The following TXNRD1 variants were observed in gnomAD, a reference collection of about 807,000 sequenced individuals.
The protein encoded by TXNRD1 is thioredoxin reductase 1, cytoplasmic.
Under a neutral mutation model 80.3 loss-of-function variants are expected in TXNRD1, and 57 were observed. The ratio of observed to expected loss-of-function variants is 0.71; its 90% CI spans 0.57 to 0.89. The LOEUF is 0.89. TXNRD1 is among the 40% of genes least tolerant of loss of function. The probability of loss-of-function intolerance (pLI) is 0.00; values close to 1 mark genes in which losing one functional copy is unlikely to be tolerated. For missense variants in TXNRD1, 730 were observed against 803.0 expected (o/e 0.91, Z 1.10); for synonymous variants, 291 against 285.2 (o/e 1.02, Z -0.20).
rs2036061256 is a variant in TXNRD1, at chr12:104,334,379, T to G, written c.1746+47T>G. 5 of 1,238,216 alleles carry G rather than the reference T, an allele frequency of 4.0e-6. No individual in the cohort carries two copies. The South Asian group carries it at 8.5e-5, about 21-fold the overall frequency. 76.7% of individuals were successfully genotyped at this position (1,238,216 alleles called of 1,614,324 possible). On this transcript the variant is annotated intron_variant, in intron 15 of 16. Coordinates refer to ENST00000525566, the MANE Select transcript of TXNRD1 (RefSeq NM_001093771.3). ...TTCCAGTAATTTTATTTAGTTGTTG[T>G]TTTTTGTTGTTGTTTTTTTTTTAGA...
At chr12:104,228,969 T>C (rs2032541097) in intron 1 of TXNRD1, among the ~76,000 whole-genome samples, 1 of 151,746 alleles carries the variant, frequency 6.6e-6, no homozygotes, top group Non-Finnish European at 1.5e-5. Context: ...TCCCCCCGCC[T>C]CGGCCTCCCA....
chr12:104,309,352 C>T (rs1382127776), intron 4 of TXNRD1, among the ~76,000 whole-genome samples: 1 of 152,172 alleles, frequency 6.6e-6, no homozygotes, highest in Non-Finnish European at 1.5e-5. Context: ...TGACTTGAAG[C>T]TTGAACCAGG....
chr12:104,321,212 A>G lies in TXNRD1; in HGVS notation c.1111A>G (p.Arg371Gly). The change falls in exon 10 of 17, where the codon AGG becomes GGG. Residue 371 changes from arginine (R) to glycine (G), a missense_variant. Transcript: ENST00000525566. ...TGGTTTAGACGTCACTGTTATGGTTAGGTCCATTCTTCTTAGAGGATTTGA... is the reference window on the plus strand; with the variant it reads ...TGGTTTAGACGTCACTGTTATGGTTGGGTCCATTCTTCTTAGAGGATTTGA... ...GIGLDVTVMV[R>G]SILLRGFDQD... 6.2e-7 allele frequency: 1 copy of G among 1,613,818 alleles called. No homozygotes were observed. The highest frequency in any genetic ancestry group is 8.5e-7 in the Non-Finnish European group (1 of 1,179,858).
chr12:104,320,062 C>G (rs2035473272), intron 9 of TXNRD1, among the ~76,000 whole-genome samples: 1 of 152,230 alleles, frequency 6.6e-6, no homozygotes, highest in Non-Finnish European at 1.5e-5. Context: ...AGACCCTACT[C>G]AATGCTGTTT....
rs187994176 is a variant in TXNRD1 at position 104,278,733 on chromosome 12, C to T, written c.305-10198C>T. On this transcript the variant is annotated intron_variant, in intron 3 of 16. Coordinates refer to ENST00000525566, the MANE Select transcript of TXNRD1 (RefSeq NM_001093771.3). ...GGCCAGGCTGGTCTTGATCTCCTGA[C>T]CTCGTGATCCGCCCGCCTCGGCCTC... Among the ~76,000 whole-genome samples, 526 of 152,066 alleles carry T rather than the reference C, an allele frequency of 3.5e-3. 2 individuals carry two copies. The highest frequency in any genetic ancestry group is 0.022 in the South Asian group (107 of 4,812).
chr12:104,340,148 C>T (rs574969274), intron 16 of TXNRD1, among the ~76,000 whole-genome samples: 2 of 152,300 alleles, frequency 1.3e-5, no homozygotes, highest in Admixed American at 6.5e-5. Flanking sequence ...TATTAATAGG[C>T]ACCTGGCTGG....
chr12:104,256,976 C>CT (rs1232123272), intron 2 of TXNRD1, among the ~76,000 whole-genome samples: 66 of 131,578 alleles, frequency 5.0e-4, no homozygotes, highest in Admixed American at 1.7e-3. Flanking sequence ...ATTTTCTTTT[C>CT]TTTTTTTTTT....
chr12:104,227,496 G>T (rs1161328651), intron 1 of TXNRD1, among the ~76,000 whole-genome samples: 1 of 152,102 alleles, frequency 6.6e-6, no homozygotes, highest in Non-Finnish European at 1.5e-5. Context: ...CAAACTCCTG[G>T]CATCAAGCCA....
At chr12:104,307,437 A>G (rs1344479657) in intron 4 of TXNRD1, among the ~76,000 whole-genome samples, 2 of 152,196 alleles carry the variant, frequency 1.3e-5, no homozygotes, top group East Asian at 3.8e-4. Context: ...GAGATGGAGA[A>G]TTAGTAACTT....
At chr12:104,332,706 G>A (rs1265580411) in intron 14 of TXNRD1, among the ~76,000 whole-genome samples, 5 of 130,780 alleles carry the variant, frequency 3.8e-5, no homozygotes, top group Admixed American at 9.3e-5. Context: ...CCAAGATTGC[G>A]CCATTGCACT....
chr12:104,274,467 G>A (rs191566179), intron 3 of TXNRD1, among the ~76,000 whole-genome samples: 261 of 152,138 alleles, frequency 1.7e-3, no homozygotes, highest in Middle Eastern at 0.014. Flanking sequence ...AGGCCGAGGC[G>A]GGTGGATCGC....
At chr12:104,256,415 T>C (rs1483229454) in intron 2 of TXNRD1, among the ~76,000 whole-genome samples, 3 of 152,188 alleles carry the variant, frequency 2.0e-5, no homozygotes, top group East Asian at 3.8e-4. Flanking sequence ...TTCTTATAGC[T>C]ATTTCAGAGT....
intron 1 of TXNRD1, among the ~76,000 whole-genome samples, chr12:104,249,036 C>T (rs2033056008): frequency 6.6e-6 from 1 of 152,132 alleles, no homozygotes; most frequent in Admixed American, 6.6e-5. Flanking sequence ...TAAGAAGAAC[C>T]CACTTCTCAT....
rs1349698471 is a variant in TXNRD1 at position 104,323,524 on chromosome 12, C to T, written c.1216-1813C>T. Among the ~76,000 whole-genome samples the T allele has an allele frequency of 2.1e-5, 3 of 140,880 alleles. No individual in the cohort carries two copies. The South Asian group carries it at 6.9e-4, about 32-fold the overall frequency. 92.4% of individuals were successfully genotyped at this position (140,880 alleles called of 152,430 possible). On this transcript the variant is annotated intron_variant, in intron 10 of 16. Coordinates refer to ENST00000525566, the MANE Select transcript of TXNRD1 (RefSeq NM_001093771.3). ...CTCCCGGACGGGGCGGCTGGCCGGG[C>T]GGGGGGCTGACACCCCCACCTCCCT...
intron 8 of TXNRD1, 41 bp downstream of exon 8, chr12:104,319,096 TTTCTC>T: frequency 6.4e-7 from 1 of 1,566,182 alleles, no homozygotes; most frequent in Non-Finnish European, 8.6e-7. Flanking sequence ...TTTTTTCTTT[TTTCTC>T]TTTTTAAAAG....
intron 1 of TXNRD1, among the ~76,000 whole-genome samples, chr12:104,248,160 A>G (rs2033032046): frequency 6.6e-6 from 1 of 152,260 alleles, no homozygotes; most frequent in Middle Eastern, 3.2e-3. Context: ...ATGTTGCTTT[A>G]GTCCAATAGT....
intron 3 of TXNRD1, chr12:104,280,787 A>G (rs2033860879): frequency 6.6e-6 from 1 of 152,096 alleles, no homozygotes; most frequent in Non-Finnish European, 1.5e-5. Flanking sequence ...TGCCACATCA[A>G]TGCCTGCTTG....
intron 4 of TXNRD1, chr12:104,303,609 C>T (rs528982347): frequency 3.4e-5 from 11 of 321,018 alleles, no homozygotes; most frequent in African/African-American, 2.4e-4. Context: ...CCCATCATTG[C>T]GCGTGTTGGG....
At chr12:104,298,330 G>A (rs560030139) in intron 4 of TXNRD1, among the ~76,000 whole-genome samples, 1 of 152,232 alleles carries the variant, frequency 6.6e-6, no homozygotes, top group African/African-American at 2.4e-5. Context: ...TGAAGCCTTC[G>A]TAGGTTTTTA....
Sources: gnomAD v4.1 joint callset for allele counts (sites outside exome capture counted in the v4.1 genomes callset) on GRCh38, gnomAD v4.1.1 for gene constraint, MANE v1.5 for transcripts, NCBI Gene and HGNC (gene_info 2026-07-23, HGNC 2026-07-21) for gene names.